PPP1R42: variants seen among roughly 807,000 people sequenced by gnomAD.
The protein encoded by PPP1R42 is protein phosphatase 1 regulatory subunit 42, also known as leucine rich repeat containing 67.
Under a neutral mutation model 31.0 loss-of-function variants are expected in PPP1R42, and 34 were observed. The ratio of observed to expected loss-of-function variants is 1.10; its 90% CI spans 0.83 to 1.46. PPP1R42 has a LOEUF of 1.46. Among genes scored for constraint, PPP1R42 ranks in the 40% most tolerant of loss-of-function variants. PPP1R42 has a pLI of 0.00. For missense variants in PPP1R42, 268 were observed against 303.0 expected, an observed-to-expected ratio of 0.88 and a Z score of 0.86; for synonymous variants, 103 against 109.8, an observed-to-expected ratio of 0.94 and a Z score of 0.39.
chr8:66,995,338 A>G (rs1001347502), intron 5 of PPP1R42, among the ~76,000 whole-genome samples: 1 of 152,250 alleles, frequency 6.6e-6, no homozygotes, highest in Non-Finnish European at 1.5e-5. Flanking sequence ...CAGAATGCCA[A>G]GAAGCTGTGT....
chr8:66,993,739 C>T (rs1815256032), intron 5 of PPP1R42, among the ~76,000 whole-genome samples: 1 of 152,188 alleles, frequency 6.6e-6, no homozygotes, highest in South Asian at 2.1e-4. Context: ...GAGAATTCCT[C>T]AAGGCCAGGG....
At chr8:67,010,146 G>A (rs1346667963) in intron 5 of PPP1R42, among the ~76,000 whole-genome samples, 1 of 152,156 alleles carries the variant, frequency 6.6e-6, no homozygotes, top group South Asian at 2.1e-4. Context: ...GATCAAGACC[G>A]TATATTCCTT....
In PPP1R42 at chr8:66,964,174, T is replaced by A. The variant is rs1411187000; in HGVS notation, c.*147A>T. 2.0e-6 allele frequency: 1 copy of A among 493,098 alleles called. No homozygotes were observed. The highest frequency in any genetic ancestry group is 3.8e-6 in the Non-Finnish European group (1 of 263,758). The allele number at this position is 493,098 out of a possible 1,614,324, so 30.5% of individuals were successfully genotyped here. On this transcript the variant is annotated 3_prime_UTR_variant, in exon 8 of 8. Transcript: ENST00000685739. ...CACAAAAGATATTGTTGCCTAGTCATATAAGGTTAAAAACAAAATCAAACG... is the reference window on the plus strand; with the variant it reads ...CACAAAAGATATTGTTGCCTAGTCAAATAAGGTTAAAAACAAAATCAAACG...
chr8:67,022,305 CTTCTG>C (rs1439588748), intron 1 of PPP1R42, among the ~76,000 whole-genome samples: 1 of 152,154 alleles, frequency 6.6e-6, no homozygotes, highest in Non-Finnish European at 1.5e-5. Context: ...TGGAGTTTCT[CTTCTG>C]TTAATTGCTA....
intron 7 of PPP1R42, among the ~76,000 whole-genome samples, chr8:66,972,759 C>T (rs1814570253): frequency 6.6e-6 from 1 of 152,082 alleles, no homozygotes; most frequent in South Asian, 2.1e-4. Flanking sequence ...TGAAATTTGT[C>T]ATATTATCCT....
intron 7 of PPP1R42, among the ~76,000 whole-genome samples, chr8:66,973,595 C>T (rs567890204): frequency 2.0e-5 from 3 of 152,204 alleles, no homozygotes; most frequent in Admixed American, 6.5e-5. Flanking sequence ...TGTGAACCAC[C>T]GCGCCCAGCC....
At chr8:66,984,677 C>T in intron 6 of PPP1R42, 1 of 1,520,272 alleles carries the variant, frequency 6.6e-7, no homozygotes, top group South Asian at 1.1e-5. Flanking sequence ...AGTTTTCAGG[C>T]AGAGTTGGCC....
At chr8:66,994,311 C>T (rs776551239) in intron 5 of PPP1R42, among the ~76,000 whole-genome samples, 1 of 152,168 alleles carries the variant, frequency 6.6e-6, no homozygotes, top group African/African-American at 2.4e-5. Context: ...CTAGGACCCT[C>T]AGTAAGCTAG....
intron 7 of PPP1R42, among the ~76,000 whole-genome samples, chr8:66,966,780 G>A (rs1053473501): frequency 4.6e-5 from 7 of 151,012 alleles, no homozygotes; most frequent in South Asian, 4.2e-4. Context: ...GCGAGACTCC[G>A]TCTCCAAAAA....
rs868447663 is a variant in PPP1R42, at chr8:67,015,632, C to T, written c.130-1040G>A. 2.0e-5 allele frequency among the ~76,000 whole-genome samples: 3 copies of T among 150,204 alleles called. No individual in the cohort carries two copies. The South Asian group carries it at 6.3e-4, about 32-fold the overall frequency. On this transcript the variant is annotated intron_variant, in intron 2 of 7. Transcript: ENST00000685739. ...TTTTTTTTTTGAAACAGGGTCTGCC[C>T]AGGCTGGTGTCAAACTCCTGGGCTC...
intron 1 of PPP1R42, among the ~76,000 whole-genome samples, chr8:67,019,831 T>G (rs1241867781): frequency 6.6e-6 from 1 of 151,044 alleles, no homozygotes; most frequent in Non-Finnish European, 1.5e-5. Context: ...GAGCTTGTAG[T>G]GAGCCGAGAT....
In PPP1R42 at chr8:66,984,356, T is replaced by G. The variant is rs773511095; in HGVS notation, c.671-2176A>C. 81 of 1,293,284 alleles carry G rather than the reference T, an allele frequency of 6.3e-5. No homozygotes were observed. In the Admixed American group the frequency reaches 6.8e-4, roughly 11 times the overall value. 80.1% of individuals were successfully genotyped at this position (1,293,284 alleles called of 1,614,324 possible). The stretch of plus-strand genomic sequence containing the variant: ...TCCTCATGATCATCTCCCTTTGTGT[T>G]AGATGTCTGTTCATCCCACTTTATC... On this transcript the variant is annotated intron_variant, in intron 6 of 7. Transcript: ENST00000685739.
intron 7 of PPP1R42, chr8:66,968,538 A>G (rs1814448793): frequency 1.1e-6 from 1 of 948,734 alleles, no homozygotes; most frequent in Non-Finnish European, 1.3e-6. Flanking sequence ...TAATTAAGGC[A>G]AGGGGTAGCT....
chr8:66,994,073 A>C (rs570723616), intron 5 of PPP1R42, among the ~76,000 whole-genome samples: 13 of 152,116 alleles, frequency 8.5e-5, no homozygotes, highest in African/African-American at 2.9e-4. Flanking sequence ...CCTGCCCTGG[A>C]CCAGTTTTGG....
Position 67,012,950 on chromosome 8 carries a change from G to T in PPP1R42, c.435+8C>A. The T allele has an allele frequency of 6.3e-7, 1 of 1,591,216 alleles. No homozygotes were observed. Among genetic ancestry groups the T allele is most frequent in the Non-Finnish European group, 8.5e-7 (1 of 1,173,320 alleles). ...ATTCCTTGTCAAAATATTCAAATGT[G>T]AACTTACTGCCAGAGAATGAAGAGT... On this transcript the variant is annotated splice_region_variant and intron_variant, in intron 4 of 7. Transcript: ENST00000685739.
chr8:67,005,510 G>T (rs1364517888), intron 5 of PPP1R42, among the ~76,000 whole-genome samples: 2 of 152,036 alleles, frequency 1.3e-5, no homozygotes, highest in Admixed American at 1.3e-4. Flanking sequence ...AACTCCAGAT[G>T]CTTACTTGAC....
chr8:67,017,068 T>A (rs1316841113), intron 2 of PPP1R42, among the ~76,000 whole-genome samples: 2 of 152,204 alleles, frequency 1.3e-5, no homozygotes, highest in Non-Finnish European at 2.9e-5. Flanking sequence ...ATATATTTAA[T>A]CTATGTATTT....
chr8:66,984,893 G>C (rs978823900), intron 6 of PPP1R42: 1 of 1,558,844 alleles, frequency 6.4e-7, no homozygotes, highest in African/African-American at 1.4e-5. Flanking sequence ...AGTTTTTTCT[G>C]TTCCTTCTTG....
At chr8:66,989,162 A>G (rs1306873938) in intron 5 of PPP1R42, among the ~76,000 whole-genome samples, 1 of 152,148 alleles carries the variant, frequency 6.6e-6, no homozygotes, top group Non-Finnish European at 1.5e-5. Context: ...GTTTTATATT[A>G]TATCATAAAT....
Sources: gnomAD v4.1 joint callset for allele counts (sites outside exome capture counted in the v4.1 genomes callset) on GRCh38, gnomAD v4.1.1 for gene constraint, MANE v1.5 for transcripts, NCBI Gene and HGNC (gene_info 2026-07-23, HGNC 2026-07-21) for gene names.